The following RORA variants were observed in gnomAD, a reference collection of about 807,000 sequenced individuals.
The protein encoded by RORA is RAR related orphan receptor A.
In RORA, 7 loss-of-function variants were observed where a neutral mutation model predicts 69.5. The observed-to-expected ratio is 0.10, with a 90% CI of 0.06 to 0.19. RORA has a LOEUF of 0.19. RORA is among the 10% of genes least tolerant of loss of function. RORA has a pLI of 1.00. For synonymous variants in RORA, 261 were observed against 240.8 expected (o/e 1.08, Z -0.78); for missense variants, 457 against 663.0 (o/e 0.69, Z 3.41).
chr15:60,824,131 G>A (rs1476829281), intron 1 of RORA, among the ~76,000 whole-genome samples: 3 of 152,154 alleles, frequency 2.0e-5, no homozygotes, highest in African/African-American at 7.2e-5. Context: ...TTAGGTTCAG[G>A]GGAGTTCCAA....
At chr15:60,498,855 A>T (rs1309943626) in intron 10 of RORA, among the ~76,000 whole-genome samples, 1 of 146,294 alleles carries the variant, frequency 6.8e-6, no homozygotes, top group Non-Finnish European at 1.5e-5. Context: ...ATAGCTATAA[A>T]GGAGAAAAAA....
chr15:60,910,335 A>G (rs986892888), intron 1 of RORA, among the ~76,000 whole-genome samples: 1 of 152,232 alleles, frequency 6.6e-6, no homozygotes, highest in African/African-American at 2.4e-5. Flanking sequence ...AGAAAGCCCT[A>G]TTCTTATCAG....
At chr15:61,171,096 A>T (rs2079581047) in intron 1 of RORA, among the ~76,000 whole-genome samples, 1 of 152,184 alleles carries the variant, frequency 6.6e-6, no homozygotes, top group Non-Finnish European at 1.5e-5. Flanking sequence ...CCCTCTTTCC[A>T]GGCTCCAGGA....
intron 1 of RORA, among the ~76,000 whole-genome samples, chr15:61,015,048 C>G (rs1323776247): frequency 3.9e-5 from 6 of 152,216 alleles, no homozygotes; most frequent in Admixed American, 3.9e-4. Flanking sequence ...TAGCCCGAAG[C>G]TCGTTAAACT....
intron 1 of RORA, among the ~76,000 whole-genome samples, chr15:61,073,385 C>T (rs918594742): frequency 4.7e-5 from 7 of 150,318 alleles, no homozygotes; most frequent in African/African-American, 7.3e-5. Flanking sequence ...TAGTAGCACA[C>T]ATCTCAAAAG....
chr15:60,521,713 C>T (rs1433024303), intron 3 of RORA, among the ~76,000 whole-genome samples: 1 of 152,134 alleles, frequency 6.6e-6, no homozygotes, highest in Non-Finnish European at 1.5e-5. Flanking sequence ...AATCTCTTGT[C>T]CTGATTTTAA....
intron 1 of RORA, among the ~76,000 whole-genome samples, chr15:61,049,424 C>A (rs1216452261): frequency 6.6e-6 from 1 of 152,100 alleles, no homozygotes; most frequent in Non-Finnish European, 1.5e-5. Flanking sequence ...TCATACAAGT[C>A]CATGTCCTCA....
intron 1 of RORA, among the ~76,000 whole-genome samples, chr15:61,042,706 C>T (rs546691492): frequency 6.6e-6 from 1 of 152,328 alleles, no homozygotes; most frequent in East Asian, 1.9e-4. Flanking sequence ...GATAAGCCTT[C>T]CTACCTACTC....
chr15:61,151,334 C>G (rs17270871), intron 1 of RORA, among the ~76,000 whole-genome samples: 75,020 of 152,052 alleles, frequency 0.49, 19,767 homozygotes, highest in Non-Finnish European at 0.59. Flanking sequence ...AGACATTAAG[C>G]GCAATGTTGT....
At chr15:61,064,779 C>T (rs954600431) in intron 1 of RORA, among the ~76,000 whole-genome samples, 1 of 152,158 alleles carries the variant, frequency 6.6e-6, no homozygotes, top group African/African-American at 2.4e-5. Flanking sequence ...CCCAATCCCC[C>T]CATCCCCTTT....
intron 1 of RORA, among the ~76,000 whole-genome samples, chr15:60,917,518 G>A (rs1250176982): frequency 2.0e-5 from 3 of 152,144 alleles, no homozygotes; most frequent in African/African-American, 7.2e-5. Context: ...GAAACTGCTG[G>A]GTGCTGTCCC....
chr15:60,911,479 T>C (rs1327905960), intron 1 of RORA, among the ~76,000 whole-genome samples: 2 of 152,192 alleles, frequency 1.3e-5, no homozygotes, highest in Non-Finnish European at 2.9e-5. Context: ...TCTAGGATCT[T>C]AGGGGAAAGC....
chr15:60,738,627 A>AT (rs1252879210), intron 1 of RORA, among the ~76,000 whole-genome samples: 1 of 152,218 alleles, frequency 6.6e-6, no homozygotes, highest in Non-Finnish European at 1.5e-5. Flanking sequence ...TCTTACATTC[A>AT]TTTTTGTCCT....
intron 2 of RORA, among the ~76,000 whole-genome samples, chr15:60,547,011 C>T (rs2067091194): frequency 1.3e-5 from 2 of 152,146 alleles, no homozygotes; most frequent in Admixed American, 6.5e-5. Context: ...GTACGATCAA[C>T]AGTGGGGTAA....
intron 1 of RORA, among the ~76,000 whole-genome samples, chr15:60,802,151 C>T (rs1024982006): frequency 2.0e-5 from 3 of 152,178 alleles, no homozygotes; most frequent in Non-Finnish European, 4.4e-5. Context: ...AACACAAGTG[C>T]TGGATCCTTA....
At chr15:61,028,191 T>C (rs1895931560) in intron 1 of RORA, among the ~76,000 whole-genome samples, 1 of 152,206 alleles carries the variant, frequency 6.6e-6, no homozygotes, top group Non-Finnish European at 1.5e-5. Flanking sequence ...CATGGTTACT[T>C]CTACATTTTT....
At chr15:61,056,488 G>A (rs2140522198) in intron 1 of RORA, among the ~76,000 whole-genome samples, 1 of 152,296 alleles carries the variant, frequency 6.6e-6, no homozygotes, top group South Asian at 2.1e-4. Context: ...GGATTATTCA[G>A]AAGTACGGAA....
chr15:60,947,337 T>C (rs1467072995), intron 1 of RORA, among the ~76,000 whole-genome samples: 2 of 152,330 alleles, frequency 1.3e-5, no homozygotes, highest in East Asian at 3.9e-4. Flanking sequence ...CTCCATTTTG[T>C]TCTGTACTGG....
chr15:60,617,070 A>G (rs753501736), intron 2 of RORA, among the ~76,000 whole-genome samples: 3 of 152,210 alleles, frequency 2.0e-5, no homozygotes, highest in South Asian at 2.1e-4. Context: ...AATCGCCCCA[A>G]GCTTTCTCTC....
Sources: allele counts gnomAD v4.1 joint callset (sites outside exome capture counted in the v4.1 genomes callset), GRCh38; gene constraint gnomAD v4.1.1; transcripts MANE v1.5; gene names NCBI Gene and HGNC (gene_info 2026-07-23, HGNC 2026-07-21).